NET1: variants seen among roughly 807,000 people sequenced by gnomAD.
NET1 encodes the protein neuroepithelial cell-transforming gene 1 protein.
Under a neutral mutation model 61.1 loss-of-function variants are expected in NET1, and 42 were observed. The ratio of observed to expected loss-of-function variants is 0.69; its 90% confidence interval spans 0.54 to 0.89. NET1 has a LOEUF of 0.89. NET1 is among the 40% of genes least tolerant of loss of function. NET1 has a pLI of 0.00. For missense variants in NET1, 654 were observed against 747.3 expected (o/e 0.88, Z 1.46); for synonymous variants, 254 against 281.8 (o/e 0.90, Z 0.99).
Position 5,422,412 on chromosome 10 carries a change from G to C in NET1, c.129-4243G>C, listed in dbSNP as rs914150324. Among the ~76,000 whole-genome samples the C allele has an allele frequency of 6.6e-6, 1 of 152,110 alleles. No individual in the cohort carries two copies. Among genetic ancestry groups the C allele is most frequent in the African/African-American group, 2.4e-5 (1 of 41,400 alleles). On this transcript the variant is annotated intron_variant, in intron 1 of 11. Coordinates refer to ENST00000355029, the MANE Select transcript of NET1 (RefSeq NM_001047160.3). The surrounding 1 kb of genome is among the most constrained non-coding windows in gnomAD (Gnocchi z 4.1). ...AAATTCTTGGGGGTGGAATTATCAGGTCCTACGGTAAACTTACCACTAACA... is the reference window on the plus strand; with the variant it reads ...AAATTCTTGGGGGTGGAATTATCAGCTCCTACGGTAAACTTACCACTAACA...
intron 2 of NET1, among the ~76,000 whole-genome samples, chr10:5,428,594 T>C (rs1832297793): frequency 6.6e-6 from 1 of 152,136 alleles, no homozygotes; most frequent in South Asian, 2.1e-4. Context: ...AGTTCTGTTC[T>C]GAAAAACTTA....
intron 3 of NET1, among the ~76,000 whole-genome samples, chr10:5,450,323 A>G (rs1156326751): frequency 6.6e-6 from 1 of 152,268 alleles, no homozygotes; most frequent in East Asian, 1.9e-4. Context: ...ATATGTATAC[A>G]TTTAGGAGCT....
Position 5,437,675 on chromosome 10 carries a change from T to TG in NET1, c.255+8446_255+8447insG, listed in dbSNP as rs1832458583. 6.6e-6 allele frequency among the ~76,000 whole-genome samples: 1 copy of TG among 151,866 alleles called. No individual in the cohort carries two copies. The highest frequency in any genetic ancestry group is 2.4e-5 in the African/African-American group (1 of 41,312). Reference sequence around the variant, plus strand: ...CTCTGTATTTTCCCTAGTATTTTTTTTTTTAACCAACTATTGGGATAGATA... The same window carrying TG: ...CTCTGTATTTTCCCTAGTATTTTTTTGTTTTAACCAACTATTGGGATAGATA... On this transcript the variant is annotated intron_variant, in intron 3 of 11. Coordinates refer to ENST00000355029, the MANE Select transcript of NET1 (RefSeq NM_001047160.3). The surrounding 1 kb of genome is among the most constrained non-coding windows in gnomAD (Gnocchi z 4.3).
chr10:5,434,827 C>T lies in NET1; in HGVS notation c.255+5598C>T, dbSNP rs191366758. ...AAGCTGATCAAAGGACTAGGAAACA[C>T]TGACATACACTAGTCACTGAAGGAA... On this transcript the variant is annotated intron_variant, in intron 3 of 11. Transcript: ENST00000355029. Among the ~76,000 whole-genome samples the T allele has an allele frequency of 8.6e-5, 13 of 151,388 alleles. No homozygotes were observed. In the East Asian group the frequency reaches 2.5e-3, roughly 29 times the overall value.
rs1832856953 is a variant in NET1 at position 5,459,033 on chromosome 10, T to G, written c.*2039T>G. ...AAGACCCAGAATCTGAGTAAATCTA[T>G]TAAATGAATGTTCTTCAGAAATAGC... On this transcript the variant is annotated 3_prime_UTR_variant, in exon 12 of 12. Coordinates refer to ENST00000355029, the MANE Select transcript of NET1 (RefSeq NM_001047160.3). Among the ~76,000 whole-genome samples, 1 of 152,174 alleles carries G rather than the reference T, an allele frequency of 6.6e-6. No individual in the cohort carries two copies. Among genetic ancestry groups the G allele is most frequent in the South Asian group, 2.1e-4 (1 of 4,834 alleles).
chr10:5,414,397 A>C (rs566990531), intron 1 of NET1, among the ~76,000 whole-genome samples: 2 of 152,238 alleles, frequency 1.3e-5, no homozygotes, highest in Non-Finnish European at 2.9e-5. Flanking sequence ...TTTTGGAGTC[A>C]TCTCACTCTT....
rs1272736082 is a variant in NET1, at chr10:5,455,955, A to G, written c.1198-132A>G. 8.1e-6 allele frequency: 7 copies of G among 863,574 alleles called. No homozygotes were observed. The highest frequency in any genetic ancestry group is 1.2e-5 in the Non-Finnish European group (7 of 583,894). 53.5% of individuals were successfully genotyped at this position (863,574 alleles called of 1,614,324 possible). On this transcript the variant is annotated intron_variant, in intron 10 of 11. Transcript: ENST00000355029. The surrounding 1 kb of genome is among the most constrained non-coding windows in gnomAD (Gnocchi z 6.5). ...GAAATTGCCATCTTTATGGATTACT[A>G]GATTTGTCACTTAGAGAGATCTTCG...
chr10:5,428,727 T>C (rs938649077), intron 2 of NET1, among the ~76,000 whole-genome samples: 4 of 76,230 alleles, frequency 5.2e-5, no homozygotes, highest in Non-Finnish European at 1.2e-4. Context: ...TTTTCTTTGT[T>C]TTTTTTTTTT....
Position 5,453,005 on chromosome 10 carries a change from G to A in NET1, c.594+85G>A. On this transcript the variant is annotated intron_variant, in intron 6 of 11. Coordinates refer to ENST00000355029, the MANE Select transcript of NET1 (RefSeq NM_001047160.3). The surrounding 1 kb of genome is among the most constrained non-coding windows in gnomAD (Gnocchi z 4.9). ...TAAAGGATAGTTTTCTTAACCTTTAGAAGTAGAAGAATAGAAAATATCTAC... is the reference window on the plus strand; with the variant it reads ...TAAAGGATAGTTTTCTTAACCTTTAAAAGTAGAAGAATAGAAAATATCTAC... 1 of 979,952 alleles carries A rather than the reference G, an allele frequency of 1.0e-6. No homozygotes were observed. The highest frequency in any genetic ancestry group is 1.4e-5 in the South Asian group (1 of 72,160). The allele number at this position is 979,952 out of a possible 1,614,324, so 60.7% of individuals were successfully genotyped here.
rs895951784 is a variant in NET1 at position 5,412,572 on chromosome 10, G to C, written c.-121G>C. On this transcript the variant is annotated 5_prime_UTR_variant, in exon 1 of 12. Transcript: ENST00000355029. The surrounding 1 kb of genome is among the most constrained non-coding windows in gnomAD (Gnocchi z 6.5). ...CGCCATTTTCAAATCCCCGGATGACGGCGGTGGCGGCTGCAGTCCGCTGAC... is the reference window on the plus strand; with the variant it reads ...CGCCATTTTCAAATCCCCGGATGACCGCGGTGGCGGCTGCAGTCCGCTGAC... The C allele has an allele frequency of 1.3e-4, 136 of 1,062,546 alleles. 1 individual carries two copies. The African/African-American group carries it at 2.1e-3, about 16-fold the overall frequency. The allele number at this position is 1,062,546 out of a possible 1,614,324, so 65.8% of individuals were successfully genotyped here. A position where few individuals can be genotyped will look rare whatever the true frequency, so the allele number is the denominator to read the frequency against.
rs1832523895 is a variant in NET1 at position 5,441,443 on chromosome 10, C to T, written c.256-10387C>T. 6.6e-6 allele frequency among the ~76,000 whole-genome samples: 1 copy of T among 152,168 alleles called. No individual in the cohort carries two copies. The highest frequency in any genetic ancestry group is 1.5e-5 in the Non-Finnish European group (1 of 68,030). On this transcript the variant is annotated intron_variant, in intron 3 of 11. Coordinates refer to ENST00000355029, the MANE Select transcript of NET1 (RefSeq NM_001047160.3). This position sits in a 1 kb window ranked among gnomAD's most constrained non-coding sequence, Gnocchi z 4.6. Reference sequence around the variant, plus strand: ...TATCCTTTTGTCTTTAGTTTGGGGCCTTAAGCTGAAGTTCAGGGAAAAATG... The same window carrying T: ...TATCCTTTTGTCTTTAGTTTGGGGCTTTAAGCTGAAGTTCAGGGAAAAATG...
Position 5,456,356 on chromosome 10 carries a change from G to A in NET1, c.1384+83G>A. 3.8e-6 allele frequency: 5 copies of A among 1,311,278 alleles called. No homozygotes were observed. Among genetic ancestry groups the A allele is most frequent in the African/African-American group, 1.5e-5 (1 of 67,372 alleles). 81.2% of individuals were successfully genotyped at this position (1,311,278 alleles called of 1,614,324 possible). On this transcript the variant is annotated intron_variant, in intron 11 of 11. Transcript: ENST00000355029. This position sits in a 1 kb window ranked among gnomAD's most constrained non-coding sequence, Gnocchi z 7.0. ...TAGTTTTGCCTTTAAGAATTCTAGA[G>A]ATGAAATGGCTCCATTGTCCTATAC...
At chr10:5,430,180 C>T (rs61854770) in intron 3 of NET1, among the ~76,000 whole-genome samples, 1 of 151,988 alleles carries the variant, frequency 6.6e-6, no homozygotes, top group Admixed American at 6.6e-5. Context: ...AAATGACAAC[C>T]TTGATTATTT....
At position 5,443,598 on chromosome 10, in the gene NET1, T is replaced by G. The variant is rs765535831; in HGVS notation, c.256-8232T>G. Among the ~76,000 whole-genome samples, 1 of 152,170 alleles carries G rather than the reference T, an allele frequency of 6.6e-6. No individual in the cohort carries two copies. Among genetic ancestry groups the G allele is most frequent in the Non-Finnish European group, 1.5e-5 (1 of 68,030 alleles). On this transcript the variant is annotated intron_variant, in intron 3 of 11. Coordinates refer to ENST00000355029, the MANE Select transcript of NET1 (RefSeq NM_001047160.3). This position sits in a 1 kb window ranked among gnomAD's most constrained non-coding sequence, Gnocchi z 4.8. ...TGAGTCCAGTTGAACTTCCGCATGT[T>G]CATCATTCCTTTTTTAGATGCTGTC...
chr10:5,449,824 A>G lies in NET1; in HGVS notation c.256-2006A>G, dbSNP rs985041017. ...AAAGCACCTTTCCAAAGACCTTTTA[A>G]GTTGAAATTAAATATTATATTTTCT... On this transcript the variant is annotated intron_variant, in intron 3 of 11. Transcript: ENST00000355029. This position sits in a 1 kb window ranked among gnomAD's most constrained non-coding sequence, Gnocchi z 4.4. Among the ~76,000 whole-genome samples, 4 of 152,194 alleles carry G rather than the reference A, an allele frequency of 2.6e-5. No homozygotes were observed. Among genetic ancestry groups the G allele is most frequent in the African/African-American group, 7.2e-5 (3 of 41,442 alleles).
rs949403670 is a variant in NET1, at chr10:5,454,130, A to T, written c.769-135A>T. The T allele has an allele frequency of 7.7e-6, 7 of 904,062 alleles. No individual in the cohort carries two copies. Among genetic ancestry groups the T allele is most frequent in the Non-Finnish European group, 8.4e-6 (5 of 592,114 alleles). The allele number at this position is 904,062 out of a possible 1,614,324, so 56.0% of individuals were successfully genotyped here. On this transcript the variant is annotated intron_variant, in intron 8 of 11. Coordinates refer to ENST00000355029, the MANE Select transcript of NET1 (RefSeq NM_001047160.3). This position sits in a 1 kb window ranked among gnomAD's most constrained non-coding sequence, Gnocchi z 8.1. ...AAAATGCTATTCAGCTTCCATTATT[A>T]TCTGCCAGAAAATGTCCACAGCTTG... is the stretch of plus-strand genomic sequence containing the variant.
In NET1 at chr10:5,454,844, C is replaced by A; in HGVS notation, c.1027-104C>A. ...AATTAACTGATTTCTAGAGTCCCTT[C>A]AAGCTTTAAAGTTCTTCCATTCCAT... On this transcript the variant is annotated intron_variant, in intron 9 of 11. Transcript: ENST00000355029. The surrounding 1 kb of genome is among the most constrained non-coding windows in gnomAD (Gnocchi z 8.1). The A allele has an allele frequency of 8.9e-7, 1 of 1,123,970 alleles. No homozygotes were observed. The highest frequency in any genetic ancestry group is 1.3e-6 in the Non-Finnish European group (1 of 773,640). The allele number at this position is 1,123,970 out of a possible 1,614,324, so 69.6% of individuals were successfully genotyped here.
In NET1 at chr10:5,439,444, G is replaced by A. The variant is rs759475371; in HGVS notation, c.255+10215G>A. 2.0e-5 allele frequency among the ~76,000 whole-genome samples: 3 copies of A among 152,210 alleles called. No homozygotes were observed. The highest frequency in any genetic ancestry group is 2.9e-5 in the Non-Finnish European group (2 of 68,022). On this transcript the variant is annotated intron_variant, in intron 3 of 11. Transcript: ENST00000355029. This position sits in a 1 kb window ranked among gnomAD's most constrained non-coding sequence, Gnocchi z 4.8. ...GGTTACATGGCAGTCTGGGCCATCT[G>A]TTCATGTTATATACTGATGCCCTTT...
chr10:5,442,596 T>C (rs1413622478), intron 3 of NET1, among the ~76,000 whole-genome samples: 1 of 152,202 alleles, frequency 6.6e-6, no homozygotes, highest in African/African-American at 2.4e-5. Context: ...TAGAAAGTTA[T>C]ACAAATAGTT....
Sources: gnomAD v4.1 joint callset for allele counts (sites outside exome capture counted in the v4.1 genomes callset) on GRCh38, gnomAD v4.1.1 for gene constraint, Gnocchi (gnomAD v3.1) non-coding constraint, MANE v1.5 for transcripts, NCBI Gene and HGNC (gene_info 2026-07-23, HGNC 2026-07-21) for gene names.